HCLS1: variants seen among roughly 807,000 people sequenced by gnomAD.
HCLS1 encodes the protein hematopoietic lineage cell-specific protein.
Under a neutral mutation model 68.6 loss-of-function variants are expected in HCLS1, and 44 were observed. That is an observed-to-expected ratio of 0.64 (90% CI 0.50 to 0.82). The LOEUF (loss-of-function observed/expected upper bound fraction) is 0.82. Among genes scored for constraint, HCLS1 ranks in the 40% least tolerant of loss-of-function variants. The probability of loss-of-function intolerance (pLI) is 0.00; values close to 1 mark genes in which losing one functional copy is unlikely to be tolerated. For missense variants in HCLS1, 602 were observed against 612.1 expected (o/e 0.98, Z 0.17); for synonymous variants, 217 against 225.8 (o/e 0.96, Z 0.35).
intron 6 of HCLS1, among the ~76,000 whole-genome samples, chr3:121,638,126 A>G (rs1354289310): frequency 1.3e-5 from 2 of 152,092 alleles, no homozygotes; most frequent in African/African-American, 4.8e-5. Context: ...CTCAAGCTAT[A>G]GTGCAGAGTA....
rs2108855602 is a variant in HCLS1 at position 121,632,544 on chromosome 3, G to A, written c.1028C>T (p.Ala343Val). 1 of 1,613,070 alleles carries A rather than the reference G, an allele frequency of 6.2e-7. No homozygotes were observed. The highest frequency in any genetic ancestry group is 8.5e-7 in the Non-Finnish European group (1 of 1,179,972). Residue 343 changes from alanine to valine, a missense_variant, in exon 12 of 14, where the codon GCT becomes GTT. Transcript: ENST00000314583. ...GCCTTCCAGAGTCCTAGGGGGCAGA[G>A]CTGGGGGCTCCTCATTGTCCTGAGA... ...TLPEDNEEPP[A>V]LPPRTLEGLQ...
chr3:121,642,826 A>T, intron 6 of HCLS1, 101 bp downstream of exon 6: 1 of 909,546 alleles, frequency 1.1e-6, no homozygotes, highest in South Asian at 1.3e-5. Flanking sequence ...GCGCTGGGTC[A>T]TGGAAGTTAA....
intron 9 of HCLS1, among the ~76,000 whole-genome samples, chr3:121,634,831 T>G (rs1414297660): frequency 2.0e-5 from 3 of 152,106 alleles, no homozygotes; most frequent in African/African-American, 7.2e-5. Flanking sequence ...GGGATCTTGC[T>G]GTGTTGCCCA....
At chr3:121,643,777 A>G (rs1162791175) in intron 5 of HCLS1, 1 of 151,338 alleles carries the variant, frequency 6.6e-6, no homozygotes, top group African/African-American at 2.5e-5. Context: ...TGACACACTG[A>G]CTGGGTGATT....
At chr3:121,656,050 T>C (rs1937861849) in intron 3 of HCLS1, 1 of 152,072 alleles carries the variant, frequency 6.6e-6, no homozygotes, top group African/African-American at 2.4e-5. Flanking sequence ...GGTTTCATCA[T>C]GTTGCCCATG....
Position 121,633,521 on chromosome 3 carries a change from C to T in HCLS1, c.904-350G>A, listed in dbSNP as rs115945856. Among the ~76,000 whole-genome samples, 334 of 149,088 alleles carry T rather than the reference C, an allele frequency of 2.2e-3. 1 individual carries two copies. The highest frequency in any genetic ancestry group is 7.8e-3 in the African/African-American group (313 of 40,366). On this transcript the variant is annotated intron_variant, in intron 10 of 13. Transcript: ENST00000314583. ...ACAGGCATGAGCCACCACGCTCGGC[C>T]CATCTTCATTCTTTTTATTTTATTT...
chr3:121,652,416 G>A (rs192853802), intron 3 of HCLS1, among the ~76,000 whole-genome samples: 2 of 152,272 alleles, frequency 1.3e-5, no homozygotes, highest in Admixed American at 1.3e-4. Context: ...CACTGTAGGA[G>A]GCCGAGGCAG....
chr3:121,637,535 G>A (rs751809062), intron 6 of HCLS1, among the ~76,000 whole-genome samples: 39 of 150,998 alleles, frequency 2.6e-4, no homozygotes, highest in Non-Finnish European at 4.4e-5. Context: ...TATAGAGAGT[G>A]AGGAGATTGC....
intron 3 of HCLS1, among the ~76,000 whole-genome samples, chr3:121,655,072 G>A (rs566659880): frequency 3.9e-5 from 6 of 152,278 alleles, no homozygotes; most frequent in African/African-American, 7.2e-5. Context: ...GGAGATGAGC[G>A]AGATTTTTTT....
chr3:121,649,990 A>G (rs1266195527), intron 3 of HCLS1, among the ~76,000 whole-genome samples: 3 of 152,244 alleles, frequency 2.0e-5, no homozygotes, highest in Non-Finnish European at 4.4e-5. Flanking sequence ...GCATTTGGCT[A>G]GGTCACAGGA....
At chr3:121,655,680 G>GTTTTTTTTTTTT in intron 3 of HCLS1, 1 of 118,306 alleles carries the variant, frequency 8.5e-6, no homozygotes, top group Non-Finnish European at 1.7e-5. Flanking sequence ...GGGTCTTGTG[G>GTTTTTTTTTTTT]TTTTTTTTTT....
chr3:121,644,793 G>T (rs1457462516), intron 5 of HCLS1, 25 bp downstream of exon 5: 2 of 1,512,832 alleles, frequency 1.3e-6, no homozygotes, highest in Non-Finnish European at 1.8e-6. Context: ...GAGGTGGGTG[G>T]TTGGGAGAGA....
At chr3:121,635,596 A>C in intron 9 of HCLS1, 139 bp downstream of exon 9, 3 of 714,476 alleles carry the variant, frequency 4.2e-6, no homozygotes, top group Non-Finnish European at 7.4e-6. Flanking sequence ...GAAAGACAGA[A>C]TCTGGGAATA....
chr3:121,640,817 C>T (rs184715901), intron 6 of HCLS1, among the ~76,000 whole-genome samples: 15 of 5,464 alleles, frequency 2.7e-3, no homozygotes, highest in Non-Finnish European at 1.9e-3. Context: ...GAGGGGAGGG[C>T]AGGGGAGGGG....
chr3:121,640,890 G>A (rs889467281), intron 6 of HCLS1, among the ~76,000 whole-genome samples: 1 of 150,294 alleles, frequency 6.7e-6, no homozygotes. Flanking sequence ...GGAAAGGAAG[G>A]GAAGGGAAGA....
intron 5 of HCLS1, 145 bp from the exon 6 acceptor site, chr3:121,643,126 G>A (rs1241193907): frequency 1.5e-6 from 1 of 664,174 alleles, no homozygotes; most frequent in African/African-American, 1.8e-5. Context: ...AAACAGGCTG[G>A]TATGGACACA....
intron 9 of HCLS1, among the ~76,000 whole-genome samples, chr3:121,635,450 G>T (rs2049141780): frequency 6.6e-6 from 1 of 151,782 alleles, no homozygotes; most frequent in Non-Finnish European, 1.5e-5. Context: ...GCTAATTTTT[G>T]TATTTTTTAT....
At chr3:121,653,535 C>A (rs1016335598) in intron 3 of HCLS1, 3 of 152,186 alleles carry the variant, frequency 2.0e-5, no homozygotes, top group African/African-American at 7.2e-5. Context: ...TGGCTCTTCC[C>A]AGTACCCCTG....
rs554620248 is a variant in HCLS1, at chr3:121,660,488, T to C, written c.-1+332A>G. 2.9e-4 allele frequency among the ~76,000 whole-genome samples: 44 copies of C among 152,326 alleles called. No homozygotes were observed. The South Asian group carries it at 8.5e-3, about 29-fold the overall frequency. Reference sequence around the variant, plus strand: ...TGCTCTTCAAGGGCAGACACTGTTTTCGTCTCCTGTGGTCCTCCTCCCAGC... The same window carrying C: ...TGCTCTTCAAGGGCAGACACTGTTTCCGTCTCCTGTGGTCCTCCTCCCAGC... On this transcript the variant is annotated intron_variant, in intron 1 of 13. Transcript: ENST00000314583.
Sources: allele counts gnomAD v4.1 joint callset (sites outside exome capture counted in the v4.1 genomes callset), GRCh38; gene constraint gnomAD v4.1.1; transcripts MANE v1.5; gene names NCBI Gene and HGNC (gene_info 2026-07-23, HGNC 2026-07-21).